The following ST6GALNAC3 variants were observed in gnomAD, a reference collection of about 807,000 sequenced individuals.
The protein encoded by ST6GALNAC3 is ST6 N-acetylgalactosaminide alpha-2,6-sialyltransferase 3, also known as alpha-N-acetylgalactosaminide alpha-2,6-sialyltransferase 3.
Under a neutral mutation model 32.7 loss-of-function variants are expected in ST6GALNAC3, and 25 were observed. The observed-to-expected ratio is 0.76, with a 90% CI of 0.56 to 1.07. The LOEUF is 1.07. Among genes scored for constraint, ST6GALNAC3 ranks in the 50% least tolerant of loss-of-function variants. The probability of loss-of-function intolerance (pLI) is 0.00; values close to 1 mark genes in which losing one functional copy is unlikely to be tolerated. For missense variants in ST6GALNAC3, 355 were observed against 382.4 expected (o/e 0.93, Z 0.60); for synonymous variants, 129 against 133.1 (o/e 0.97, Z 0.21).
chr1:76,478,823 C>T (rs1659524008), intron 3 of ST6GALNAC3, among the ~76,000 whole-genome samples: 1 of 135,478 alleles, frequency 7.4e-6, no homozygotes, highest in African/African-American at 2.8e-5. Context: ...AGTGCAGTGG[C>T]TCGATCTTGG....
chr1:76,107,929 C>T (rs447383), intron 1 of ST6GALNAC3, among the ~76,000 whole-genome samples: 25,676 of 152,148 alleles, frequency 0.17, 2,354 homozygotes, highest in Non-Finnish European at 0.19. Flanking sequence ...TTTATATTTC[C>T]TGGCATTGAG....
rs575334019 is a variant in ST6GALNAC3, at chr1:76,335,045, A to G, written c.213+21046A>G. ...TGAGCTGTATATATACTTTAAAAAG[A>G]TGAATAAAATAAGTAAAGGAATCAT... is the stretch of plus-strand genomic sequence containing the variant. On this transcript the variant is annotated intron_variant, in intron 2 of 4. Transcript: ENST00000328299. 2.0e-5 allele frequency among the ~76,000 whole-genome samples: 3 copies of G among 152,320 alleles called. No homozygotes were observed. The South Asian group carries it at 6.2e-4, about 32-fold the overall frequency.
chr1:76,117,163 A>G (rs1409617882), intron 1 of ST6GALNAC3, among the ~76,000 whole-genome samples: 1 of 152,144 alleles, frequency 6.6e-6, no homozygotes, highest in African/African-American at 2.4e-5. Flanking sequence ...ATGTGCAGGT[A>G]TTTGTAGATA....
intron 1 of ST6GALNAC3, among the ~76,000 whole-genome samples, chr1:76,077,887 C>A (rs1307808535): frequency 6.6e-6 from 1 of 152,148 alleles, no homozygotes; most frequent in Non-Finnish European, 1.5e-5. Context: ...TTTTACATCA[C>A]AAGATGCATA....
At chr1:76,356,631 G>A (rs371798285) in intron 2 of ST6GALNAC3, among the ~76,000 whole-genome samples, 20 of 152,080 alleles carry the variant, frequency 1.3e-4, no homozygotes, top group African/African-American at 4.8e-4. Flanking sequence ...TCAGGTGGTA[G>A]GGATGATAAT....
intron 1 of ST6GALNAC3, among the ~76,000 whole-genome samples, chr1:76,094,284 T>A (rs139476744): frequency 1.3e-5 from 2 of 152,242 alleles, no homozygotes; most frequent in Non-Finnish European, 2.9e-5. Flanking sequence ...TATTTGGCCC[T>A]GGGGGAAGTG....
At chr1:76,249,859 G>A (rs2100693578) in intron 1 of ST6GALNAC3, among the ~76,000 whole-genome samples, 1 of 152,202 alleles carries the variant, frequency 6.6e-6, no homozygotes, top group Non-Finnish European at 1.5e-5. Context: ...GATTAATAAT[G>A]TTTAACATCT....
chr1:76,520,812 G>GTAAC (rs1368719433), intron 3 of ST6GALNAC3, among the ~76,000 whole-genome samples: 2 of 151,998 alleles, frequency 1.3e-5, no homozygotes, highest in African/African-American at 4.8e-5. Flanking sequence ...TATTTGGTTT[G>GTAAC]TAACTACATG....
chr1:76,177,225 T>C (rs1652909014), intron 1 of ST6GALNAC3, among the ~76,000 whole-genome samples: 1 of 152,180 alleles, frequency 6.6e-6, no homozygotes, highest in Non-Finnish European at 1.5e-5. Flanking sequence ...AAATACAATA[T>C]TAAATGAAAT....
At chr1:76,438,690 G>T (rs1656340233) in intron 3 of ST6GALNAC3, among the ~76,000 whole-genome samples, 1 of 151,916 alleles carries the variant, frequency 6.6e-6, no homozygotes, top group African/African-American at 2.4e-5. Flanking sequence ...TATAATTCCA[G>T]TTCCCATCTC....
chr1:76,218,754 CA>C (rs1258267402), intron 1 of ST6GALNAC3, among the ~76,000 whole-genome samples: 8 of 152,280 alleles, frequency 5.3e-5, no homozygotes, highest in African/African-American at 1.9e-4. Flanking sequence ...GAATTAAGAG[CA>C]AAGGCTTTAG....
intron 3 of ST6GALNAC3, among the ~76,000 whole-genome samples, chr1:76,536,224 G>T (rs183888208): frequency 1.3e-5 from 2 of 152,208 alleles, no homozygotes; most frequent in African/African-American, 4.8e-5. Flanking sequence ...CAATTCAGTT[G>T]TTTTAGAGCT....
chr1:76,350,294 T>A (rs1648867141), intron 2 of ST6GALNAC3, among the ~76,000 whole-genome samples: 1 of 152,200 alleles, frequency 6.6e-6, no homozygotes, highest in African/African-American at 2.4e-5. Context: ...CCTGAGTAGC[T>A]AAGATGACAG....
intron 1 of ST6GALNAC3, among the ~76,000 whole-genome samples, chr1:76,246,592 A>C (rs958575221): frequency 1.5e-5 from 2 of 132,558 alleles, no homozygotes; most frequent in African/African-American, 7.7e-5. Flanking sequence ...GGAGCTCTTG[A>C]TTTGGCTGTT....
intron 3 of ST6GALNAC3, among the ~76,000 whole-genome samples, chr1:76,534,631 A>G (rs1344012813): frequency 6.6e-6 from 1 of 152,090 alleles, no homozygotes; most frequent in Non-Finnish European, 1.5e-5. Context: ...TCCACCCAAC[A>G]CTACTTCTGT....
chr1:76,307,105 A>G (rs1380118458), intron 1 of ST6GALNAC3, among the ~76,000 whole-genome samples: 1 of 152,138 alleles, frequency 6.6e-6, no homozygotes, highest in African/African-American at 2.4e-5. Context: ...CCAGAAAGCA[A>G]CGTCTCTCAG....
intron 3 of ST6GALNAC3, among the ~76,000 whole-genome samples, chr1:76,550,192 C>A (rs558753643): frequency 3.9e-5 from 6 of 152,180 alleles, no homozygotes; most frequent in African/African-American, 1.2e-4. Flanking sequence ...AATTTATCAA[C>A]CTATTACTTT....
intron 1 of ST6GALNAC3, among the ~76,000 whole-genome samples, chr1:76,110,693 C>A (rs920248553): frequency 2.6e-5 from 4 of 152,230 alleles, no homozygotes; most frequent in Non-Finnish European, 5.9e-5. Flanking sequence ...ATGGTCTTGG[C>A]ACAACAAGGC....
intron 1 of ST6GALNAC3, among the ~76,000 whole-genome samples, chr1:76,114,033 G>T (rs1648286125): frequency 6.7e-6 from 1 of 148,386 alleles, no homozygotes; most frequent in Non-Finnish European, 1.5e-5. Flanking sequence ...AGTAGAGACG[G>T]AGTCTCGCCA....
Sources: gnomAD v4.1 joint callset for allele counts (sites outside exome capture counted in the v4.1 genomes callset) on GRCh38, gnomAD v4.1.1 for gene constraint, MANE v1.5 for transcripts, NCBI Gene and HGNC (gene_info 2026-07-23, HGNC 2026-07-21) for gene names.